LRP5: variants seen among roughly 807,000 people sequenced by gnomAD.
LRP5 encodes LDL receptor related protein 5.
In LRP5, 62 loss-of-function variants were observed where a neutral mutation model predicts 154.1. The observed-to-expected ratio is 0.40, with a 90% confidence interval of 0.33 to 0.50. LRP5 has a LOEUF of 0.50. LRP5 is among the 20% of genes least tolerant of loss of function. The pLI is 0.55. For synonymous variants in LRP5, 966 were observed against 1,011.5 expected, an observed-to-expected ratio of 0.96 and a Z score of 0.85; for missense variants, 1,915 against 2,336.7, an observed-to-expected ratio of 0.82 and a Z score of 3.72.
chr11:68,436,302 A>AGGC (rs2098674866), intron 18 of LRP5, among the ~76,000 whole-genome samples: 1 of 151,936 alleles, frequency 6.6e-6, no homozygotes, highest in Admixed American at 6.6e-5. Context: ...CTCTGGGGGC[A>AGGC]GGCGTGGCTA....
intron 1 of LRP5, among the ~76,000 whole-genome samples, chr11:68,316,138 T>A (rs1201037636): frequency 6.6e-6 from 1 of 152,198 alleles, no homozygotes; most frequent in Non-Finnish European, 1.5e-5. Flanking sequence ...CAGTCGACTT[T>A]CTGCCTCTGT....
At chr11:68,439,360 G>A (rs2098676839) in intron 20 of LRP5, among the ~76,000 whole-genome samples, 1 of 152,220 alleles carries the variant, frequency 6.6e-6, no homozygotes, top group Admixed American at 6.5e-5. Flanking sequence ...GAGCCTGTTG[G>A]ATGGCAGGGT....
At chr11:68,416,028 G>A (rs1202952726) in intron 12 of LRP5, among the ~76,000 whole-genome samples, 2 of 151,748 alleles carry the variant, frequency 1.3e-5, no homozygotes, top group African/African-American at 4.8e-5. Context: ...GCAGTCCAGC[G>A]TGGGCAACAG....
chr11:68,395,693 G>A (rs2153158405), intron 7 of LRP5, among the ~76,000 whole-genome samples: 1 of 152,254 alleles, frequency 6.6e-6, no homozygotes, highest in South Asian at 2.1e-4. Context: ...AGGTGCAGGT[G>A]GATGCCCAGA....
At chr11:68,442,091 A>G (rs537859427) in intron 21 of LRP5, among the ~76,000 whole-genome samples, 1 of 152,308 alleles carries the variant, frequency 6.6e-6, no homozygotes, top group Non-Finnish European at 1.5e-5. Context: ...AGCATACAAG[A>G]GCGTGGACTT....
chr11:68,402,614 A>T (rs1005375607), intron 7 of LRP5, among the ~76,000 whole-genome samples: 3 of 151,394 alleles, frequency 2.0e-5, no homozygotes, highest in Non-Finnish European at 4.4e-5. Context: ...CAGGCCCTGC[A>T]GTTGCTCATA....
chr11:68,311,805 C>A (rs2098588056), upstream of LRP5, among the ~76,000 whole-genome samples: 1 of 152,158 alleles, frequency 6.6e-6, no homozygotes, highest in African/African-American at 2.4e-5. Context: ...CACAGTCGTT[C>A]TAGAAAGTAG....
rs1004347352 is a variant in LRP5, at chr11:68,422,619, G to T, written c.3028-870G>T. Reference sequence around the variant, plus strand: ...TGGGCTGGGCTTAGGCAGCGCTCGAGCATCTCCTGGACGGTGACCCCAGAG... The same window carrying T: ...TGGGCTGGGCTTAGGCAGCGCTCGATCATCTCCTGGACGGTGACCCCAGAG... On this transcript the variant is annotated intron_variant, in intron 13 of 22. Coordinates refer to ENST00000294304, the MANE Select transcript of LRP5 (RefSeq NM_002335.4). Among the ~76,000 whole-genome samples, 3 of 152,148 alleles carry T rather than the reference G, an allele frequency of 2.0e-5. No homozygotes were observed. In the South Asian group the frequency reaches 6.2e-4, roughly 32 times the overall value.
chr11:68,425,356 G>C, intron 15 of LRP5, 64 bp downstream of exon 15: 1 of 1,512,360 alleles, frequency 6.6e-7, no homozygotes, highest in African/African-American at 1.4e-5. Context: ...AATGGCAGCA[G>C]CTGCCACATT....
At chr11:68,316,761 G>A (rs1320048684) in intron 1 of LRP5, among the ~76,000 whole-genome samples, 1 of 152,188 alleles carries the variant, frequency 6.6e-6, no homozygotes, top group Non-Finnish European at 1.5e-5. Context: ...CTCTCCTGCC[G>A]AGGTTCAGGA....
intron 17 of LRP5, among the ~76,000 whole-genome samples, chr11:68,430,176 C>T (rs1465606446): frequency 6.6e-6 from 1 of 151,842 alleles, no homozygotes; most frequent in Non-Finnish European, 1.5e-5. Context: ...TGTTTTGCTT[C>T]GTTTGTTTTG....
chr11:68,448,616 G>A (rs2098682709), intron 22 of LRP5, among the ~76,000 whole-genome samples, 193 bp from the exon 23 acceptor site: 1 of 152,182 alleles, frequency 6.6e-6, no homozygotes, highest in Non-Finnish European at 1.5e-5. Flanking sequence ...CCATGGTAGA[G>A]GTGGGACCAT....
chr11:68,368,311 T>G (rs999573256), intron 5 of LRP5, among the ~76,000 whole-genome samples: 5 of 152,096 alleles, frequency 3.3e-5, no homozygotes, highest in African/African-American at 1.2e-4. Flanking sequence ...AGCCGGAGAC[T>G]CCTGTACTGG....
intron 11 of LRP5, among the ~76,000 whole-genome samples, chr11:68,412,281 C>T (rs2098660020): frequency 6.6e-6 from 1 of 152,118 alleles, no homozygotes; most frequent in Non-Finnish European, 1.5e-5. Flanking sequence ...GTGACAGGGG[C>T]AACTGTGCTT....
At position 68,411,310 on chromosome 11, in the gene LRP5, C is replaced by T. The variant is rs558622075; in HGVS notation, c.2319-126C>T. ...GTCTCGCCCTTCCCTGCTTCCTGCG[C>T]GTGGCTTTCTCCAGGACGGGGAGGG... On this transcript the variant is annotated intron_variant, in intron 10 of 22. Coordinates refer to ENST00000294304, the MANE Select transcript of LRP5 (RefSeq NM_002335.4). The T allele has an allele frequency of 1.2e-3, 1,176 of 965,072 alleles. 3 individuals carry two copies. Among genetic ancestry groups the T allele is most frequent in the Non-Finnish European group, 1.6e-3 (1,028 of 640,486 alleles). 59.8% of individuals were successfully genotyped at this position (965,072 alleles called of 1,614,324 possible).
chr11:68,347,989 C>G lies in LRP5; in HGVS notation c.234C>G (p.Tyr78Ter), dbSNP rs1346590927. The change falls in exon 2 of 23, where the codon TAC (tyrosine) becomes TAG (stop). Residue 78 changes from tyrosine to a stop codon, truncating the protein, a stop_gained. Transcript: ENST00000294304. LOFTEE classifies it high-confidence loss of function. Reference sequence around the variant, plus strand: ...TCCAGTTTTCCAAGGGAGCCGTGTACTGGACAGACGTGAGCGAGGAGGCCA... The same window carrying G: ...TCCAGTTTTCCAAGGGAGCCGTGTAGTGGACAGACGTGAGCGAGGAGGCCA... ...VDFQFSKGAV[Y>*]WTDVSEEAIK... 6.2e-7 allele frequency: 1 copy of G among 1,614,170 alleles called. No individual in the cohort carries two copies. The highest frequency in any genetic ancestry group is 1.7e-5 in the Admixed American group (1 of 60,034).
intron 5 of LRP5, among the ~76,000 whole-genome samples, chr11:68,379,045 CA>C (rs992276529): frequency 5.8e-4 from 80 of 137,588 alleles, no homozygotes; most frequent in East Asian, 5.4e-3. Context: ...GACTCTGTCT[CA>C]AAAAAAAAAA....
intron 5 of LRP5, among the ~76,000 whole-genome samples, chr11:68,378,503 T>C (rs2098638617): frequency 3.8e-5 from 2 of 51,968 alleles, no homozygotes; most frequent in Non-Finnish European, 7.7e-5. Flanking sequence ...GAGGACCCTG[T>C]CCCCGGCATC....
chr11:68,319,838 T>C (rs1288992341), intron 1 of LRP5, among the ~76,000 whole-genome samples: 3 of 152,168 alleles, frequency 2.0e-5, no homozygotes, highest in African/African-American at 7.2e-5. Flanking sequence ...ACATTCCTAG[T>C]CAAAGAGTGT....
Sources: allele counts gnomAD v4.1 joint callset (sites outside exome capture counted in the v4.1 genomes callset), GRCh38; gene constraint gnomAD v4.1.1; transcripts MANE v1.5; gene names NCBI Gene and HGNC (gene_info 2026-07-23, HGNC 2026-07-21).